Variants in ASTN2 observed in about 807,000 individuals in gnomAD.
ASTN2 encodes the protein astrotactin 2.
ASTN2 carries 54 observed loss-of-function variants against 139.8 expected under a neutral mutation model. That is an observed-to-expected ratio of 0.39 (90% CI 0.31 to 0.48). ASTN2 has a LOEUF of 0.48. Ranked by LOEUF, ASTN2 falls within the 20% of genes least tolerant of loss-of-function variation. The probability of loss-of-function intolerance (pLI) is 0.95; values close to 1 mark genes in which losing one functional copy is unlikely to be tolerated. For synonymous variants in ASTN2, 756 were observed against 719.5 expected, an observed-to-expected ratio of 1.05 and a Z score of -0.81; for missense variants, 1,565 against 1,725.1, an observed-to-expected ratio of 0.91 and a Z score of 1.64.
chr9:116,823,659 C>T (rs115217761), intron 11 of ASTN2, among the ~76,000 whole-genome samples: 7,826 of 152,242 alleles, frequency 0.051, 626 homozygotes, highest in African/African-American at 0.17. Flanking sequence ...AAGCATTTTG[C>T]AAACTTACAT....
At chr9:116,750,647 C>A (rs984206626) in intron 13 of ASTN2, among the ~76,000 whole-genome samples, 1 of 152,172 alleles carries the variant, frequency 6.6e-6, no homozygotes, top group African/African-American at 2.4e-5. Flanking sequence ...AATATTCGCA[C>A]GTGCTTTCTG....
intron 2 of ASTN2, among the ~76,000 whole-genome samples, chr9:117,267,208 C>T (rs1833956672): frequency 6.6e-6 from 1 of 152,096 alleles, no homozygotes; most frequent in African/African-American, 2.4e-5. Flanking sequence ...AATACCTGAC[C>T]AGTGATCTTC....
intron 6 of ASTN2, among the ~76,000 whole-genome samples, chr9:117,017,163 T>C (rs1394067031): frequency 6.6e-6 from 1 of 152,082 alleles, no homozygotes; most frequent in African/African-American, 2.4e-5. Flanking sequence ...AGTCATGACA[T>C]GTTTTCTCAT....
intron 16 of ASTN2, among the ~76,000 whole-genome samples, chr9:116,695,772 G>A (rs1271051188): frequency 6.6e-6 from 1 of 152,170 alleles, no homozygotes; most frequent in Non-Finnish European, 1.5e-5. Flanking sequence ...ACAGAGCACT[G>A]AGATCTCTCT....
intron 2 of ASTN2, among the ~76,000 whole-genome samples, chr9:117,264,186 T>A (rs1412545066): frequency 6.6e-6 from 1 of 152,184 alleles, no homozygotes; most frequent in Non-Finnish European, 1.5e-5. Context: ...TTTTTCTAGG[T>A]GATACTGAGT....
At position 117,088,125 on chromosome 9, in the gene ASTN2, C is replaced by T. The variant is rs115297456; in HGVS notation, c.1276+7919G>A. On this transcript the variant is annotated intron_variant, in intron 5 of 22. Coordinates refer to ENST00000313400, the MANE Select transcript of ASTN2 (RefSeq NM_001365068.1). ...TGAATGGATTACCTTTAGAGTGAAA[C>T]GGAACCTTGTTGCTTGATGAGAAGT... Among the ~76,000 whole-genome samples, 622 of 152,204 alleles carry T rather than the reference C, an allele frequency of 4.1e-3. 5 individuals are homozygous for T. The highest frequency in any genetic ancestry group is 0.014 in the African/African-American group (590 of 41,538).
chr9:117,247,951 G>A (rs1326785308), intron 2 of ASTN2, among the ~76,000 whole-genome samples: 3 of 152,184 alleles, frequency 2.0e-5, no homozygotes, highest in African/African-American at 4.8e-5. Context: ...TGTCTCATTA[G>A]TACCTCTCAG....
At chr9:116,714,622 C>G (rs1379120379) in intron 16 of ASTN2, among the ~76,000 whole-genome samples, 2 of 152,096 alleles carry the variant, frequency 1.3e-5, no homozygotes, top group Non-Finnish European at 2.9e-5. Flanking sequence ...AAGACCTGAC[C>G]TAAGTCACAC....
At chr9:116,871,328 T>C (rs1237812721) in intron 10 of ASTN2, among the ~76,000 whole-genome samples, 1 of 152,192 alleles carries the variant, frequency 6.6e-6, no homozygotes, top group Non-Finnish European at 1.5e-5. Context: ...AAGAACGCTT[T>C]GTTGAGATAT....
intron 1 of ASTN2, among the ~76,000 whole-genome samples, chr9:117,407,521 A>G (rs12684229): frequency 0.14 from 22,037 of 152,268 alleles, 2,093 homozygotes; most frequent in East Asian, 0.33. Flanking sequence ...TGTAACCTAC[A>G]ACATGCTTGT....
intron 4 of ASTN2, among the ~76,000 whole-genome samples, chr9:117,134,275 TATATATATATATATATATATACACACAC>T (rs1564443046): frequency 2.5e-5 from 1 of 39,928 alleles, no homozygotes; most frequent in Non-Finnish European, 5.8e-5. Flanking sequence ...ATTATATATA[TATATATATATATATATATATACACACAC>T]ACACACACAC....
chr9:117,159,746 T>A (rs948321359), intron 3 of ASTN2, among the ~76,000 whole-genome samples: 3 of 152,198 alleles, frequency 2.0e-5, no homozygotes, highest in African/African-American at 7.2e-5. Context: ...GTTAAGGAAG[T>A]TGGACAACTT....
chr9:117,144,787 T>C (rs1471078049), intron 3 of ASTN2, among the ~76,000 whole-genome samples: 1 of 148,326 alleles, frequency 6.7e-6, no homozygotes, highest in Non-Finnish European at 1.5e-5. Context: ...GTTCAAGCAA[T>C]TCTTATGCCC....
chr9:116,785,150 G>A (rs756050798), intron 13 of ASTN2, among the ~76,000 whole-genome samples: 6 of 152,114 alleles, frequency 3.9e-5, no homozygotes, highest in African/African-American at 7.2e-5. Context: ...AACTGAATGC[G>A]TTTGGACAGT....
At chr9:116,467,647 T>C (rs1848690873) in intron 20 of ASTN2, among the ~76,000 whole-genome samples, 1 of 152,242 alleles carries the variant, frequency 6.6e-6, no homozygotes, top group Non-Finnish European at 1.5e-5. Context: ...CCCAGTTATA[T>C]AAGCAGATAC....
chr9:116,441,607 A>C (rs940159447), intron 21 of ASTN2, among the ~76,000 whole-genome samples: 2 of 152,168 alleles, frequency 1.3e-5, no homozygotes, highest in Non-Finnish European at 2.9e-5. Flanking sequence ...TTGGTAGCAC[A>C]TAAAACATTT....
chr9:116,483,566 AAGAC>A (rs1259368252), intron 20 of ASTN2, among the ~76,000 whole-genome samples: 1 of 152,198 alleles, frequency 6.6e-6, no homozygotes, highest in Non-Finnish European at 1.5e-5. Context: ...AATGAATAAA[AAGAC>A]AAAACAGGAA....
Position 116,424,349 on chromosome 9 carries a change from T to A in ASTN2, c.*1502A>T, listed in dbSNP as rs1191488311. ...CTCCAATCCATCCTTCACCCTGTAGTGAGAATGATTTTCTTAAAGAGTAAG... is the reference window on the plus strand; with the variant it reads ...CTCCAATCCATCCTTCACCCTGTAGAGAGAATGATTTTCTTAAAGAGTAAG... On this transcript the variant is annotated 3_prime_UTR_variant, in exon 23 of 23. Transcript: ENST00000313400. Among the ~76,000 whole-genome samples, 2 of 152,176 alleles carry A rather than the reference T, an allele frequency of 1.3e-5. No homozygotes were observed. The highest frequency in any genetic ancestry group is 2.9e-5 in the Non-Finnish European group (2 of 68,026).
chr9:117,103,946 GACC>G (rs1391851991), intron 4 of ASTN2, among the ~76,000 whole-genome samples: 3 of 152,104 alleles, frequency 2.0e-5, no homozygotes, highest in Non-Finnish European at 4.4e-5. Flanking sequence ...GAGATGTTTT[GACC>G]ACAACTGCTA....
Sources: allele counts gnomAD v4.1 joint callset (sites outside exome capture counted in the v4.1 genomes callset), GRCh38; gene constraint gnomAD v4.1.1; transcripts MANE v1.5; gene names NCBI Gene and HGNC (gene_info 2026-07-23, HGNC 2026-07-21).